Variants in ADGRL3 observed in about 807,000 individuals in gnomAD.
ADGRL3 encodes the protein adhesion G protein-coupled receptor L3.
ADGRL3 carries 62 observed loss-of-function variants against 153.5 expected under a neutral mutation model. The ratio of observed to expected loss-of-function variants is 0.40; its 90% CI spans 0.33 to 0.50. ADGRL3 has a LOEUF of 0.50. Ranked by LOEUF, ADGRL3 falls within the 20% of genes least tolerant of loss-of-function variation. ADGRL3 has a pLI of 0.47. For synonymous variants in ADGRL3, 710 were observed against 672.5 expected, an observed-to-expected ratio of 1.06 and a Z score of -0.86; for missense variants, 1,641 against 1,859.4, an observed-to-expected ratio of 0.88 and a Z score of 2.16.
chr4:61,649,150 G>T (rs2094154211), intron 5 of ADGRL3, among the ~76,000 whole-genome samples: 1 of 151,982 alleles, frequency 6.6e-6, no homozygotes, highest in East Asian at 1.9e-4. Flanking sequence ...TTTTGGAAAT[G>T]CATGCTAGTA....
At chr4:61,555,375 T>C (rs1182345326) in intron 4 of ADGRL3, among the ~76,000 whole-genome samples, 1 of 152,192 alleles carries the variant, frequency 6.6e-6, no homozygotes, top group Non-Finnish European at 1.5e-5. Context: ...ACCTAAAAGA[T>C]AGCAGAAATG....
chr4:61,605,072 A>T (rs2099026789), intron 5 of ADGRL3, among the ~76,000 whole-genome samples: 1 of 141,162 alleles, frequency 7.1e-6, no homozygotes, highest in South Asian at 2.5e-4. Flanking sequence ...CCTAGGCGAC[A>T]GAGTGAGACT....
chr4:61,380,881 C>T (rs188939669), intron 1 of ADGRL3, among the ~76,000 whole-genome samples: 3 of 152,074 alleles, frequency 2.0e-5, no homozygotes, highest in Admixed American at 2.0e-4. Context: ...GAAATTCAGT[C>T]GTATTACTTT....
intron 23 of ADGRL3, among the ~76,000 whole-genome samples, chr4:62,036,126 C>T (rs1047565768): frequency 2.4e-4 from 37 of 152,052 alleles, no homozygotes; most frequent in African/African-American, 8.2e-4. Context: ...ACAGAAGAGA[C>T]TGGTTGCAAA....
chr4:61,406,084 G>C (rs892616468), intron 2 of ADGRL3, among the ~76,000 whole-genome samples: 1 of 151,792 alleles, frequency 6.6e-6, no homozygotes, highest in African/African-American at 2.4e-5. Flanking sequence ...TATTGAGAGC[G>C]CCCTATATAT....
intron 4 of ADGRL3, among the ~76,000 whole-genome samples, chr4:61,560,737 A>G (rs1235652319): frequency 6.6e-6 from 1 of 152,094 alleles, no homozygotes; most frequent in Admixed American, 6.6e-5. Flanking sequence ...ATCTCCATGC[A>G]ACTGACTCAA....
rs535822526 is a variant in ADGRL3 at position 61,234,286 on chromosome 4, A to G, written c.-240+32521A>G. On this transcript the variant is annotated intron_variant, in intron 1 of 26. Transcript: ENST00000683033. ...GCACATCTTACATAGTGGTGGCAAG[A>G]TAAAATGAGAAATAAGCAAAAGTGG... 8.9e-4 allele frequency among the ~76,000 whole-genome samples: 136 copies of G among 152,274 alleles called. No individual in the cohort carries two copies. In the South Asian group the frequency reaches 0.014, roughly 16 times the overall value.
intron 1 of ADGRL3, among the ~76,000 whole-genome samples, chr4:61,346,037 T>C (rs2095895651): frequency 6.6e-6 from 1 of 152,168 alleles, no homozygotes; most frequent in African/African-American, 2.4e-5. Context: ...CAGCTGCTCC[T>C]GCGCTCACGG....
chr4:61,610,546 C>G (rs936587609), intron 5 of ADGRL3, among the ~76,000 whole-genome samples: 2 of 151,974 alleles, frequency 1.3e-5, no homozygotes, highest in African/African-American at 2.4e-5. Context: ...TTAAGAGTAA[C>G]CGTAGTCTAA....
intron 1 of ADGRL3, among the ~76,000 whole-genome samples, chr4:61,285,378 T>C: frequency 6.6e-6 from 1 of 151,898 alleles, no homozygotes; most frequent in East Asian, 1.9e-4. Flanking sequence ...GTAATTTTCT[T>C]GATCTTAAAT....
At chr4:61,224,693 T>C (rs903879808) in intron 1 of ADGRL3, among the ~76,000 whole-genome samples, 7 of 152,156 alleles carry the variant, frequency 4.6e-5, no homozygotes, top group Admixed American at 4.6e-4. Flanking sequence ...TCTGTGAACT[T>C]GGTCCAGACT....
At chr4:62,018,310 G>A (rs2099222710) in intron 21 of ADGRL3, among the ~76,000 whole-genome samples, 1 of 152,094 alleles carries the variant, frequency 6.6e-6, no homozygotes, top group South Asian at 2.1e-4. Flanking sequence ...AGAGCAGTAG[G>A]CATCTCAGGA....
chr4:61,269,727 G>A (rs981137864), intron 1 of ADGRL3, among the ~76,000 whole-genome samples: 11 of 151,628 alleles, frequency 7.3e-5, no homozygotes, highest in African/African-American at 2.7e-4. Context: ...CAAATTAAAC[G>A]AAGGTGCAGG....
chr4:61,415,678 T>C (rs78493635), intron 2 of ADGRL3, among the ~76,000 whole-genome samples: 4,572 of 152,148 alleles, frequency 0.03, 196 homozygotes, highest in East Asian at 0.2. Flanking sequence ...TGTGTAGCTC[T>C]CCCTTTAACC....
rs952016693 is a variant in ADGRL3, at chr4:61,285,747, T to C, written c.-240+83982T>C. The stretch of plus-strand genomic sequence containing the variant: ...TGCTTTGTCCTTTTGGTGCTCTCCT[T>C]ACAGGCCTGTGAACTTGAATTCACT... On this transcript the variant is annotated intron_variant, in intron 1 of 26. Coordinates refer to ENST00000683033, the MANE Select transcript of ADGRL3 (RefSeq NM_001387552.1). Among the ~76,000 whole-genome samples the C allele has an allele frequency of 2.6e-5, 4 of 151,830 alleles. No individual in the cohort carries two copies. The East Asian group carries it at 7.7e-4, about 29-fold the overall frequency.
At chr4:61,636,020 G>T (rs1242656742) in intron 5 of ADGRL3, among the ~76,000 whole-genome samples, 2 of 152,054 alleles carry the variant, frequency 1.3e-5, no homozygotes, top group Non-Finnish European at 2.9e-5. Context: ...ACAGAGACAT[G>T]TTCTGAGGAA....
At chr4:61,952,949 G>A (rs1452381468) in intron 17 of ADGRL3, among the ~76,000 whole-genome samples, 1 of 152,132 alleles carries the variant, frequency 6.6e-6, no homozygotes, top group Non-Finnish European at 1.5e-5. Flanking sequence ...TTTTCCTTTA[G>A]CAGTCAATCA....
chr4:61,559,264 C>A (rs1394068071), intron 4 of ADGRL3, among the ~76,000 whole-genome samples: 1 of 152,068 alleles, frequency 6.6e-6, no homozygotes, highest in Non-Finnish European at 1.5e-5. Flanking sequence ...AAAATGTCAA[C>A]TTTTATTCTC....
chr4:61,301,199 T>C (rs1234492900), intron 1 of ADGRL3, among the ~76,000 whole-genome samples: 1 of 152,248 alleles, frequency 6.6e-6, no homozygotes, highest in South Asian at 2.1e-4. Context: ...AAGATACTAG[T>C]AATTAATCTG....
Sources: gnomAD v4.1 joint callset for allele counts (sites outside exome capture counted in the v4.1 genomes callset) on GRCh38, gnomAD v4.1.1 for gene constraint, MANE v1.5 for transcripts, NCBI Gene and HGNC (gene_info 2026-07-23, HGNC 2026-07-21) for gene names.